Variants in MAMDC2 observed in about 807,000 individuals in gnomAD.
The protein encoded by MAMDC2 is MAM domain containing 2.
A neutral mutation model predicts 89.8 loss-of-function variants in MAMDC2; 57 were observed. The observed-to-expected ratio is 0.63, with a 90% confidence interval of 0.51 to 0.79. The LOEUF is 0.79. MAMDC2 is among the 30% of genes least tolerant of loss of function. MAMDC2 has a pLI of 0.00. For missense variants in MAMDC2, 800 were observed against 820.6 expected, an observed-to-expected ratio of 0.97 and a Z score of 0.31; for synonymous variants, 313 against 293.4, an observed-to-expected ratio of 1.07 and a Z score of -0.68.
At chr9:70,108,520 T>G in intron 3 of MAMDC2, 38 bp downstream of exon 3, 1 of 1,520,370 alleles carries the variant, frequency 6.6e-7, no homozygotes, top group Non-Finnish European at 8.8e-7. Flanking sequence ...AGGCCTATTA[T>G]CTTTGCTTTA....
chr9:70,101,600 A>C (rs1421192529), intron 2 of MAMDC2, among the ~76,000 whole-genome samples: 1 of 152,160 alleles, frequency 6.6e-6, no homozygotes, highest in Non-Finnish European at 1.5e-5. Flanking sequence ...ATTGTGTTTC[A>C]ATTGCCTACA....
At chr9:70,170,161 C>A in intron 10 of MAMDC2, 1 of 281,938 alleles carries the variant, frequency 3.5e-6, no homozygotes, top group Non-Finnish European at 6.5e-6. Context: ...TTCATAAAGG[C>A]AATATACCTA....
At chr9:70,164,108 T>C (rs1391555257) in intron 9 of MAMDC2, among the ~76,000 whole-genome samples, 2 of 152,190 alleles carry the variant, frequency 1.3e-5, no homozygotes, top group Non-Finnish European at 2.9e-5. Context: ...CCAGTGGACA[T>C]TTGGCAATGT....
At chr9:70,173,004 GA>G (rs1287628647) in intron 11 of MAMDC2, 1 of 152,226 alleles carries the variant, frequency 6.6e-6, no homozygotes, top group East Asian at 1.9e-4. Flanking sequence ...CTTTGTTACA[GA>G]AAGAGACTAC....
chr9:70,177,151 C>A (rs1051632786), intron 11 of MAMDC2, among the ~76,000 whole-genome samples: 17 of 152,170 alleles, frequency 1.1e-4, no homozygotes, highest in Admixed American at 6.5e-4. Context: ...TTCACCTTTT[C>A]ACTTGAAGCA....
At chr9:70,097,567 G>A (rs1828062423) in intron 2 of MAMDC2, among the ~76,000 whole-genome samples, 2 of 152,144 alleles carry the variant, frequency 1.3e-5, no homozygotes, top group South Asian at 4.1e-4. Flanking sequence ...TATTTCCCCA[G>A]TGCAAGAGCC....
chr9:70,226,508 T>A lies in MAMDC2; in HGVS notation c.*476T>A, dbSNP rs1324619742. On this transcript the variant is annotated 3_prime_UTR_variant, in exon 14 of 14. Transcript: ENST00000377182. The stretch of plus-strand genomic sequence containing the variant: ...GAATGCAGTCTTTCATGCTAATGAG[T>A]TAGTCTGGAAAAATAAAGTCTTATT... The A allele has an allele frequency of 2.0e-5, 3 of 152,446 alleles. No homozygotes were observed. In the East Asian group the frequency reaches 5.8e-4, roughly 29 times the overall value. 9.4% of individuals were successfully genotyped at this position (152,446 alleles called of 1,614,324 possible).
At chr9:70,169,584 A>G (rs976319607) in intron 10 of MAMDC2, 3 of 152,242 alleles carry the variant, frequency 2.0e-5, no homozygotes, top group Admixed American at 2.0e-4. Context: ...ATGAGGTTTC[A>G]TTAACCAGTA....
chr9:70,114,799 G>C (rs1052222090), intron 5 of MAMDC2, among the ~76,000 whole-genome samples: 1 of 152,148 alleles, frequency 6.6e-6, no homozygotes, highest in Non-Finnish European at 1.5e-5. Flanking sequence ...GTTAACAAAG[G>C]GTGGTATGTG....
chr9:70,171,570 T>C (rs1275709199), intron 11 of MAMDC2, among the ~76,000 whole-genome samples: 6 of 152,106 alleles, frequency 3.9e-5, no homozygotes, highest in Non-Finnish European at 8.8e-5. Flanking sequence ...CCCCATTCCA[T>C]TTGGTATACT....
intron 2 of MAMDC2, among the ~76,000 whole-genome samples, chr9:70,050,390 C>T (rs191274414): frequency 7.9e-5 from 12 of 152,302 alleles, no homozygotes; most frequent in East Asian, 1.9e-4. Context: ...TCATGAAGAA[C>T]GGCTTAAGCC....
intron 8 of MAMDC2, 108 bp from the exon 9 acceptor site, chr9:70,143,446 G>A (rs1213425160): frequency 2.5e-5 from 31 of 1,246,830 alleles, no homozygotes; most frequent in Non-Finnish European, 3.4e-5. Flanking sequence ...ATCATTTAAA[G>A]CATAGCTGAT....
At chr9:70,215,558 T>C (rs2033428270) in intron 11 of MAMDC2, among the ~76,000 whole-genome samples, 1 of 152,272 alleles carries the variant, frequency 6.6e-6, no homozygotes, top group African/African-American at 2.4e-5. Flanking sequence ...ACTTTTGAAC[T>C]GCACTGAAAT....
At chr9:70,061,650 A>C (rs902048301) in intron 2 of MAMDC2, among the ~76,000 whole-genome samples, 1 of 152,234 alleles carries the variant, frequency 6.6e-6, no homozygotes, top group Non-Finnish European at 1.5e-5. Context: ...AAGATAAATA[A>C]TATTTTAATA....
Position 70,126,313 on chromosome 9 carries a change from G to C in MAMDC2, c.798G>C (p.Arg266=), listed in dbSNP as rs2030544531. The C allele has an allele frequency of 1.2e-6, 2 of 1,614,046 alleles. No individual in the cohort carries two copies. Among genetic ancestry groups the C allele is most frequent in the South Asian group, 2.2e-5 (2 of 91,086 alleles). The change falls in exon 6 of 14, where the codon CGG becomes CGC. Residue 266 remains arginine, a synonymous_variant. Coordinates refer to ENST00000377182, the MANE Select transcript of MAMDC2 (RefSeq NM_153267.5). ...GNDNVFSLYT[R]DVAGLYEEIW... ...ACAATGTCTTTTCCCTTTACACTCG[G>C]GATGTGGCTGGCCTTTACGAGGAAA...
At chr9:70,206,017 G>A (rs1022015287) in intron 11 of MAMDC2, among the ~76,000 whole-genome samples, 4 of 152,142 alleles carry the variant, frequency 2.6e-5, no homozygotes, top group African/African-American at 4.8e-5. Flanking sequence ...CGAATGACTG[G>A]TTTGTGCATC....
intron 5 of MAMDC2, among the ~76,000 whole-genome samples, chr9:70,120,502 G>T (rs934790935): frequency 1.3e-5 from 2 of 152,176 alleles, no homozygotes. Flanking sequence ...GAAACACATA[G>T]CAGGGCAGCT....
chr9:70,192,851 G>A (rs1231262716), intron 11 of MAMDC2, among the ~76,000 whole-genome samples: 1 of 152,058 alleles, frequency 6.6e-6, no homozygotes, highest in Non-Finnish European at 1.5e-5. Context: ...ATAGTTGGTT[G>A]AAGGTCAGTG....
intron 11 of MAMDC2, among the ~76,000 whole-genome samples, chr9:70,204,658 G>A (rs1289056576): frequency 1.3e-5 from 2 of 151,580 alleles, no homozygotes; most frequent in Admixed American, 6.6e-5. Context: ...CCCCAGCCTC[G>A]CTGGCGCCTT....
Sources: allele counts gnomAD v4.1 joint callset (sites outside exome capture counted in the v4.1 genomes callset), GRCh38; gene constraint gnomAD v4.1.1; transcripts MANE v1.5; gene names NCBI Gene and HGNC (gene_info 2026-07-23, HGNC 2026-07-21).